Variants in SOX6 observed in about 807,000 individuals in gnomAD.
SOX6 encodes the protein SRY-box transcription factor 6, also known as transcription factor SOX-6.
A neutral mutation model predicts 97.8 loss-of-function variants in SOX6; 11 were observed. That is an observed-to-expected ratio of 0.11 (90% CI 0.07 to 0.19). The LOEUF (loss-of-function observed/expected upper bound fraction) is 0.19. Ranked by LOEUF, SOX6 falls within the 10% of genes least tolerant of loss-of-function variation. The probability of loss-of-function intolerance (pLI) is 1.00; values close to 1 mark genes in which losing one functional copy is unlikely to be tolerated. For missense variants in SOX6, 810 were observed against 1,039.5 expected, an observed-to-expected ratio of 0.78 and a Z score of 3.04; for synonymous variants, 360 against 371.4, an observed-to-expected ratio of 0.97 and a Z score of 0.35.
At position 16,171,497 on chromosome 11, in the gene SOX6, T is replaced by C. The variant is rs1851038091; in HGVS notation, c.777+12389A>G. 2.6e-5 allele frequency among the ~76,000 whole-genome samples: 4 copies of C among 152,186 alleles called. No individual in the cohort carries two copies. In the South Asian group the frequency reaches 8.3e-4, roughly 31 times the overall value. ...ATAGAGTACATCAGACTCTTTTACA[T>C]TCATATTTTTGTATCCCAAATGATT... is the stretch of plus-strand genomic sequence containing the variant. On this transcript the variant is annotated intron_variant, in intron 6 of 15. Coordinates refer to ENST00000683767, the MANE Select transcript of SOX6 (RefSeq NM_001367873.1).
intron 1 of SOX6, among the ~76,000 whole-genome samples, chr11:16,368,778 G>C (rs147016394): frequency 3.3e-5 from 5 of 152,066 alleles, no homozygotes; most frequent in African/African-American, 1.2e-4. Context: ...AAACTATCAA[G>C]AAAATGAAAA....
At position 16,569,825 on chromosome 11, in the gene SOX6, C is replaced by T. The variant is rs558025354; in HGVS notation, n.609+42256G>A. 1.9e-3 allele frequency among the ~76,000 whole-genome samples: 262 copies of T among 136,334 alleles called. 1 individual carries two copies. The highest frequency in any genetic ancestry group is 8.8e-3 in the Middle Eastern group (2 of 228). 89.4% of individuals were successfully genotyped at this position (136,334 alleles called of 152,430 possible). On this transcript the variant is annotated intron_variant and non_coding_transcript_variant, in intron 4 of 5. Coordinates refer to the SOX6 transcript ENST00000524520. ...TGGGGCTTGCAGTGAGCTGAGATAG[C>T]GCCACTGCACTCCAGCCTGGGTGAC...
At chr11:16,214,399 C>G (rs1319146740) in intron 4 of SOX6, among the ~76,000 whole-genome samples, 1 of 152,134 alleles carries the variant, frequency 6.6e-6, no homozygotes, top group Non-Finnish European at 1.5e-5. Flanking sequence ...ACTACCTAGT[C>G]CTTCTGCATC....
intron 12 of SOX6, among the ~76,000 whole-genome samples, chr11:16,037,606 CTAAG>C (rs953759777): frequency 6.6e-6 from 1 of 152,106 alleles, no homozygotes; most frequent in African/African-American, 2.4e-5. Context: ...ACACAGGGAA[CTAAG>C]TGTTATTAAT....
rs531889514 is a variant in SOX6 at position 16,288,486 on chromosome 11, T to C, written c.445+29960A>G. ...GAAAAAGCAGTATCAGAAGTAGATA[T>C]CTAAGTGGAGAAAGCAGATATGTTC... is the stretch of plus-strand genomic sequence containing the variant. On this transcript the variant is annotated intron_variant, in intron 3 of 15. Coordinates refer to ENST00000683767, the MANE Select transcript of SOX6 (RefSeq NM_001367873.1). Among the ~76,000 whole-genome samples the C allele has an allele frequency of 6.6e-5, 10 of 152,180 alleles. No homozygotes were observed. In the South Asian group the frequency reaches 2.1e-3, roughly 32 times the overall value.
At chr11:16,461,466 A>G (rs1030396479) in intron 1 of SOX6, among the ~76,000 whole-genome samples, 1 of 152,246 alleles carries the variant, frequency 6.6e-6, no homozygotes, top group East Asian at 1.9e-4. Flanking sequence ...TCACGATGAT[A>G]TGATCACACT....
intron 1 of SOX6, among the ~76,000 whole-genome samples, chr11:16,391,114 T>C (rs1858165936): frequency 6.6e-6 from 1 of 152,176 alleles, no homozygotes; most frequent in Non-Finnish European, 1.5e-5. Context: ...ACACCACATG[T>C]TCTCACTCAT....
At chr11:16,718,183 C>T (rs1832792085) in intron 2 of SOX6, among the ~76,000 whole-genome samples, 1 of 150,782 alleles carries the variant, frequency 6.6e-6, no homozygotes, top group African/African-American at 2.4e-5. Flanking sequence ...GTCTTGAGTT[C>T]TTCCCCATCC....
At chr11:16,566,803 A>G (rs1847877521) in intron 4 of SOX6, among the ~76,000 whole-genome samples, 1 of 152,246 alleles carries the variant, frequency 6.6e-6, no homozygotes, top group Non-Finnish European at 1.5e-5. Flanking sequence ...GGACTTTCAT[A>G]TGACCCAATT....
intron 1 of SOX6, among the ~76,000 whole-genome samples, chr11:16,419,151 G>T (rs1057412846): frequency 9.2e-5 from 14 of 151,974 alleles, no homozygotes; most frequent in African/African-American, 3.4e-4. Flanking sequence ...TTTTTTTCAT[G>T]CCATTTGCAC....
intron 3 of SOX6, among the ~76,000 whole-genome samples, chr11:16,246,803 A>G (rs1334345738): frequency 6.6e-6 from 1 of 152,016 alleles, no homozygotes; most frequent in African/African-American, 2.4e-5. Context: ...AGTTGTATAT[A>G]TTTACAGGTA....
In SOX6 at chr11:16,021,891, T is replaced by A. The variant is rs564192141; in HGVS notation, c.1624-6841A>T. Among the ~76,000 whole-genome samples the A allele has an allele frequency of 1.3e-3, 195 of 152,182 alleles. 1 individual carries two copies. Among genetic ancestry groups the A allele is most frequent in the African/African-American group, 4.4e-3 (182 of 41,532 alleles). On this transcript the variant is annotated intron_variant, in intron 12 of 15. Transcript: ENST00000683767. ...CCAATGAGTACTTCCTTTAATCTCATACCAATACTACAGAGAAAATACTAT... is the reference window on the plus strand; with the variant it reads ...CCAATGAGTACTTCCTTTAATCTCAAACCAATACTACAGAGAAAATACTAT...
chr11:16,496,884 C>T (rs1014393576), intron 4 of SOX6, among the ~76,000 whole-genome samples: 1 of 152,238 alleles, frequency 6.6e-6, no homozygotes, highest in Non-Finnish European at 1.5e-5. Context: ...TAGACTCCAC[C>T]TCTGGGGAGA....
At chr11:16,709,943 CAAT>C (rs2134046923) in intron 3 of SOX6, among the ~76,000 whole-genome samples, 1 of 152,272 alleles carries the variant, frequency 6.6e-6, no homozygotes, top group African/African-American at 2.4e-5. Flanking sequence ...TCAGCAAATA[CAAT>C]AAAACTTTAT....
chr11:16,144,506 G>C (rs1213512111), intron 6 of SOX6, among the ~76,000 whole-genome samples: 5 of 152,220 alleles, frequency 3.3e-5, no homozygotes, highest in South Asian at 2.1e-4. Context: ...GATCAGAGCA[G>C]AACTGAAAGA....
chr11:16,403,086 G>A (rs1657726461), intron 1 of SOX6, among the ~76,000 whole-genome samples: 1 of 151,414 alleles, frequency 6.6e-6, no homozygotes, highest in Non-Finnish European at 1.5e-5. Flanking sequence ...TAACTCATAA[G>A]CTCAAAAGCT....
intron 1 of SOX6, among the ~76,000 whole-genome samples, chr11:16,444,039 G>A (rs1482837502): frequency 2.1e-5 from 3 of 145,146 alleles, no homozygotes; most frequent in Admixed American, 6.9e-5. Flanking sequence ...AAATTGCCCC[G>A]ACCTTTTTTT....
At chr11:16,212,858 C>A (rs1424090679) in intron 4 of SOX6, among the ~76,000 whole-genome samples, 9 of 152,168 alleles carry the variant, frequency 5.9e-5, no homozygotes, top group Non-Finnish European at 1.3e-4. Context: ...AAGTTTGAAT[C>A]TCACAAGCTA....
At chr11:16,658,644 C>T (rs1847742968) in intron 3 of SOX6, among the ~76,000 whole-genome samples, 1 of 151,614 alleles carries the variant, frequency 6.6e-6, no homozygotes, top group Admixed American at 6.6e-5. Flanking sequence ...GGAGGCGGAG[C>T]TTGCAGTGAG....
Sources: allele counts gnomAD v4.1 joint callset (sites outside exome capture counted in the v4.1 genomes callset), GRCh38; gene constraint gnomAD v4.1.1; transcripts MANE v1.5; gene names NCBI Gene and HGNC (gene_info 2026-07-23, HGNC 2026-07-21).